Variants in DENND5B observed in about 807,000 individuals in gnomAD.
DENND5B encodes DENN domain containing 5B.
Under a neutral mutation model 140.6 loss-of-function variants are expected in DENND5B, and 34 were observed. The ratio of observed to expected loss-of-function variants is 0.24; its 90% confidence interval spans 0.18 to 0.32. The LOEUF is 0.32. DENND5B is among the 10% of genes least tolerant of loss of function. DENND5B has a pLI of 1.00. For synonymous variants in DENND5B, 551 were observed against 562.1 expected, an observed-to-expected ratio of 0.98 and a Z score of 0.28; for missense variants, 1,142 against 1,560.2, an observed-to-expected ratio of 0.73 and a Z score of 4.52.
intron 1 of DENND5B, among the ~76,000 whole-genome samples, chr12:31,561,240 G>C (rs1949464587): frequency 6.6e-6 from 1 of 152,192 alleles, no homozygotes; most frequent in African/African-American, 2.4e-5. Context: ...TTAAAGCACA[G>C]CAAAGCATTT....
chr12:31,456,650 C>G (rs572836615), intron 4 of DENND5B, among the ~76,000 whole-genome samples: 2 of 152,244 alleles, frequency 1.3e-5, no homozygotes, highest in East Asian at 3.9e-4. Flanking sequence ...TTGGGGGAAC[C>G]CTAAAACTGT....
intron 14 of DENND5B, 147 bp from the exon 15 acceptor site, chr12:31,402,790 T>C (rs147815746): frequency 3.0e-6 from 3 of 1,000,330 alleles, no homozygotes; most frequent in East Asian, 5.3e-5. Flanking sequence ...GTTGAGATCA[T>C]AACCTTTCAG....
intron 1 of DENND5B, among the ~76,000 whole-genome samples, chr12:31,579,122 A>G (rs927733880): frequency 6.6e-6 from 1 of 152,218 alleles, no homozygotes; most frequent in African/African-American, 2.4e-5. Flanking sequence ...TTTCTAACAG[A>G]AAAATAAAAG....
chr12:31,547,727 C>T (rs952753730), intron 1 of DENND5B, among the ~76,000 whole-genome samples: 23 of 150,654 alleles, frequency 1.5e-4, no homozygotes, highest in Non-Finnish European at 3.0e-4. Context: ...TTTTTTGAGA[C>T]GGAGTTTTGC....
chr12:31,401,608 T>G (rs1261759028), intron 15 of DENND5B, among the ~76,000 whole-genome samples: 1 of 152,138 alleles, frequency 6.6e-6, no homozygotes, highest in African/African-American at 2.4e-5. Context: ...GAAAATTGAC[T>G]ACAATATTAA....
chr12:31,461,148 C>T (rs893671411), intron 3 of DENND5B, among the ~76,000 whole-genome samples: 1 of 151,852 alleles, frequency 6.6e-6, no homozygotes, highest in Admixed American at 6.6e-5. Flanking sequence ...GGCATGATCT[C>T]GGCTCACTGC....
At chr12:31,448,588 C>G (rs1249628790) in intron 5 of DENND5B, among the ~76,000 whole-genome samples, 1 of 152,188 alleles carries the variant, frequency 6.6e-6, no homozygotes, top group Non-Finnish European at 1.5e-5. Flanking sequence ...TTCTTTTGTT[C>G]TTCTTTAAGT....
At chr12:31,415,961 G>A (rs748795493) in intron 11 of DENND5B, among the ~76,000 whole-genome samples, 5 of 151,810 alleles carry the variant, frequency 3.3e-5, no homozygotes, top group Non-Finnish European at 7.4e-5. Flanking sequence ...TCAGTCTCCC[G>A]AGTAGCTGGG....
At chr12:31,549,302 C>T (rs1362029008) in intron 1 of DENND5B, among the ~76,000 whole-genome samples, 1 of 152,030 alleles carries the variant, frequency 6.6e-6, no homozygotes, top group Non-Finnish European at 1.5e-5. Flanking sequence ...TTCTTGTTAT[C>T]GTAAAACGGC....
chr12:31,464,404 G>C (rs1391422174), intron 3 of DENND5B, among the ~76,000 whole-genome samples: 3 of 152,088 alleles, frequency 2.0e-5, no homozygotes, highest in African/African-American at 7.2e-5. Flanking sequence ...TATCACCAGA[G>C]TACTATCTAC....
chr12:31,558,745 CATG>C (rs920341079), intron 1 of DENND5B, among the ~76,000 whole-genome samples: 2 of 152,184 alleles, frequency 1.3e-5, no homozygotes, highest in African/African-American at 4.8e-5. Flanking sequence ...AGAACCCAAA[CATG>C]AATCAATCTC....
chr12:31,577,922 C>T (rs1284764868), intron 1 of DENND5B, among the ~76,000 whole-genome samples: 6 of 151,388 alleles, frequency 4.0e-5, no homozygotes, highest in Admixed American at 1.3e-4. Context: ...CTCTGGAGTT[C>T]GAGACCAGCT....
chr12:31,578,951 A>G (rs943779079), intron 1 of DENND5B, among the ~76,000 whole-genome samples: 2 of 152,210 alleles, frequency 1.3e-5, no homozygotes, highest in Admixed American at 6.5e-5. Flanking sequence ...CACCAACCAC[A>G]GTTCATGCCT....
At chr12:31,407,124 ATTAAT>A (rs1336797137) in intron 14 of DENND5B, among the ~76,000 whole-genome samples, 2 of 149,572 alleles carry the variant, frequency 1.3e-5, no homozygotes, top group Non-Finnish European at 3.0e-5. Context: ...AAATTAATTA[ATTAAT>A]TTATTTATTT....
At chr12:31,458,689 T>C (rs1019989425) in intron 4 of DENND5B, among the ~76,000 whole-genome samples, 5 of 152,186 alleles carry the variant, frequency 3.3e-5, no homozygotes, top group African/African-American at 4.8e-5. Flanking sequence ...CAGGAAATAA[T>C]GGCTGTGGCT....
At chr12:31,405,837 C>T (rs1002164712) in intron 14 of DENND5B, among the ~76,000 whole-genome samples, 2 of 148,798 alleles carry the variant, frequency 1.3e-5, no homozygotes, top group African/African-American at 2.5e-5. Flanking sequence ...TGAGCCATCG[C>T]ACCTGGCCAC....
chr12:31,480,896 G>A (rs988119037), intron 2 of DENND5B, among the ~76,000 whole-genome samples: 2 of 152,184 alleles, frequency 1.3e-5, no homozygotes, highest in Non-Finnish European at 2.9e-5. Context: ...ATTACTTCTA[G>A]TAGAGATTAT....
chr12:31,489,599 C>T (rs1056128385), intron 2 of DENND5B, among the ~76,000 whole-genome samples: 7 of 152,190 alleles, frequency 4.6e-5, no homozygotes, highest in African/African-American at 1.7e-4. Flanking sequence ...ATTTATTCAA[C>T]AATTTGAACA....
At chr12:31,499,070 G>C (rs761979963) in intron 1 of DENND5B, among the ~76,000 whole-genome samples, 1 of 151,910 alleles carries the variant, frequency 6.6e-6, no homozygotes, top group Non-Finnish European at 1.5e-5. Context: ...GACTTTTGGG[G>C]ATGAGAGATG....
Sources: allele counts gnomAD v4.1 joint callset (sites outside exome capture counted in the v4.1 genomes callset), GRCh38; gene constraint gnomAD v4.1.1; transcripts MANE v1.5; gene names NCBI Gene and HGNC (gene_info 2026-07-23, HGNC 2026-07-21).